Variants in GPC6 observed in about 807,000 individuals in gnomAD.
The protein encoded by GPC6 is glypican 6, also known as glypican-6.
A neutral mutation model predicts 55.2 loss-of-function variants in GPC6; 14 were observed. The observed-to-expected ratio is 0.25, with a 90% CI of 0.17 to 0.40. The LOEUF (loss-of-function observed/expected upper bound fraction) is 0.40, where lower values mean the gene tolerates loss of function less well. Ranked by LOEUF, GPC6 falls within the 10% of genes least tolerant of loss-of-function variation. GPC6 has a pLI of 1.00. For synonymous variants in GPC6, 278 were observed against 259.6 expected (o/e 1.07, Z -0.68); for missense variants, 641 against 708.5 (o/e 0.90, Z 1.08).
At chr13:93,456,965 T>G (rs1441836307) in intron 1 of GPC6, among the ~76,000 whole-genome samples, 4 of 152,136 alleles carry the variant, frequency 2.6e-5, no homozygotes, top group Admixed American at 2.6e-4. Context: ...TCCCCCATCC[T>G]GTTCTCATGA....
Position 94,337,293 on chromosome 13 carries a change from G to A in GPC6, c.1152+31170G>A, listed in dbSNP as rs17253836. On this transcript the variant is annotated intron_variant, in intron 6 of 8. Coordinates refer to ENST00000377047, the MANE Select transcript of GPC6 (RefSeq NM_005708.5). ...TCATCTGTAGGATGCAGTAAATAGC[G>A]CCTGATGAGGAAAGGGCCATCGTCA... 5.3e-3 allele frequency among the ~76,000 whole-genome samples: 807 copies of A among 152,176 alleles called. 20 individuals carry two copies. In the East Asian group the frequency reaches 0.089, roughly 17 times the overall value.
At chr13:94,186,726 T>C (rs1889202245) in intron 4 of GPC6, among the ~76,000 whole-genome samples, 1 of 152,226 alleles carries the variant, frequency 6.6e-6, no homozygotes, top group African/African-American at 2.4e-5. Flanking sequence ...TCTATCTTGA[T>C]TAAAACATAA....
chr13:94,142,797 T>C (rs778993145), intron 4 of GPC6, among the ~76,000 whole-genome samples: 1 of 151,752 alleles, frequency 6.6e-6, no homozygotes, highest in Non-Finnish European at 1.5e-5. Context: ...AGGAGAGAGA[T>C]AGAGAGGAAC....
At chr13:94,266,341 T>TG (rs1231120680) in intron 4 of GPC6, among the ~76,000 whole-genome samples, 1 of 152,118 alleles carries the variant, frequency 6.6e-6, no homozygotes, top group Non-Finnish European at 1.5e-5. Context: ...GCTAATTTTT[T>TG]GTATTTTTAG....
At chr13:93,912,713 A>C (rs888067126) in intron 3 of GPC6, among the ~76,000 whole-genome samples, 40 of 152,336 alleles carry the variant, frequency 2.6e-4, no homozygotes, top group Admixed American at 7.2e-4. Flanking sequence ...ACTGCACTCC[A>C]GCCTGGGCGA....
intron 2 of GPC6, among the ~76,000 whole-genome samples, chr13:93,560,873 T>G (rs1875748204): frequency 6.6e-6 from 1 of 152,156 alleles, no homozygotes; most frequent in South Asian, 2.1e-4. Flanking sequence ...ATCAGCTGTT[T>G]GTCTTCTTGC....
At chr13:93,995,523 T>C (rs569001189) in intron 3 of GPC6, among the ~76,000 whole-genome samples, 2 of 152,260 alleles carry the variant, frequency 1.3e-5, no homozygotes, top group South Asian at 4.1e-4. Context: ...TTCCATCAAG[T>C]TCTGTTGCCT....
At chr13:93,997,692 T>G (rs980913509) in intron 3 of GPC6, among the ~76,000 whole-genome samples, 1 of 152,160 alleles carries the variant, frequency 6.6e-6, no homozygotes, top group Non-Finnish European at 1.5e-5. Context: ...ATCTTTGCTT[T>G]TTAGCAATAT....
In GPC6 at chr13:94,227,169, C is replaced by T. The variant is rs143220560; in HGVS notation, c.878-59180C>T. Among the ~76,000 whole-genome samples, 988 of 152,182 alleles carry T rather than the reference C, an allele frequency of 6.5e-3. 16 individuals are homozygous for T. Among genetic ancestry groups the T allele is most frequent in the African/African-American group, 0.022 (898 of 41,524 alleles). ...TCATGTGATACTCACATCTGCATTG[C>T]CAGTTAAATATAATTATAATTATAA... On this transcript the variant is annotated intron_variant, in intron 4 of 8. Transcript: ENST00000377047.
chr13:94,041,570 C>A (rs999673238), intron 4 of GPC6, among the ~76,000 whole-genome samples: 7 of 151,794 alleles, frequency 4.6e-5, no homozygotes, highest in Non-Finnish European at 8.8e-5. Context: ...TAAAGCATTT[C>A]TCTGTTTAAT....
rs1474810565 is a variant in GPC6, at chr13:94,008,145, C to A, written c.712-19584C>A. Among the ~76,000 whole-genome samples the A allele has an allele frequency of 2.6e-5, 4 of 152,132 alleles. 1 individual carries two copies. The highest frequency in any genetic ancestry group is 4.8e-5 in the African/African-American group (2 of 41,426). On this transcript the variant is annotated intron_variant, in intron 3 of 8. Transcript: ENST00000377047. ...TCAAATGCAGCACATTTTCACATCT[C>A]TCACACATACTCACATGGTCACAAT...
At chr13:94,238,647 T>C (rs1409351335) in intron 4 of GPC6, among the ~76,000 whole-genome samples, 1 of 152,172 alleles carries the variant, frequency 6.6e-6, no homozygotes, top group East Asian at 1.9e-4. Context: ...TGCTGAATTT[T>C]GAAGCCAGAT....
At chr13:93,671,609 A>AG (rs1319250592) in intron 2 of GPC6, among the ~76,000 whole-genome samples, 1 of 134,988 alleles carries the variant, frequency 7.4e-6, no homozygotes, top group African/African-American at 2.5e-5. Context: ...AGGGTTTTTT[A>AG]GGGGTTTTTT....
chr13:93,657,397 T>C (rs1880721958), intron 2 of GPC6, among the ~76,000 whole-genome samples: 1 of 152,114 alleles, frequency 6.6e-6, no homozygotes, highest in African/African-American at 2.4e-5. Context: ...CAGCTAGCCA[T>C]ATGCAGAAGA....
chr13:94,376,255 A>G (rs1161650623), intron 6 of GPC6, among the ~76,000 whole-genome samples: 1 of 109,754 alleles, frequency 9.1e-6, no homozygotes, highest in Non-Finnish European at 1.8e-5. Flanking sequence ...GAGGAAGTCA[A>G]ATTGTCCCTG....
At chr13:93,952,383 T>C (rs1038751741) in intron 3 of GPC6, among the ~76,000 whole-genome samples, 1 of 152,070 alleles carries the variant, frequency 6.6e-6, no homozygotes, top group East Asian at 1.9e-4. Context: ...TAAATTAAAA[T>C]CCTGAGTTGA....
intron 4 of GPC6, among the ~76,000 whole-genome samples, chr13:94,162,711 T>C (rs1888210181): frequency 6.6e-6 from 1 of 152,162 alleles, no homozygotes; most frequent in African/African-American, 2.4e-5. Flanking sequence ...GGGTCAAATT[T>C]TTTTCTCCTA....
rs747181783 is a variant in GPC6, at chr13:93,227,519, C to A, written c.63C>A (p.Ala21=). The A allele has an allele frequency of 4.3e-6, 7 of 1,613,830 alleles. No individual in the cohort carries two copies. The East Asian group carries it at 1.3e-4, about 31-fold the overall frequency. Residue 21 remains alanine (A), a synonymous_variant, in exon 1 of 9, where the codon GCC becomes GCA. Coordinates refer to ENST00000377047, the MANE Select transcript of GPC6 (RefSeq NM_005708.5). This position sits in a 1 kb window ranked among gnomAD's most constrained non-coding sequence, Gnocchi z 4.3. ...TGGGGCTGCTGCTCTCCCTCCCCGC[C>A]GGGGCGGATGTGAAGGCTCGGAGCT... The part of the protein sequence containing the change: ...PLLGLLLSLP[A]GADVKARSCG...
intron 1 of GPC6, among the ~76,000 whole-genome samples, chr13:93,242,767 G>A (rs1473787796): frequency 6.6e-6 from 1 of 152,082 alleles, no homozygotes; most frequent in Non-Finnish European, 1.5e-5. Context: ...CCCACAGAGT[G>A]CTCCCTTGGT....
Sources: allele counts gnomAD v4.1 joint callset (sites outside exome capture counted in the v4.1 genomes callset), GRCh38; gene constraint gnomAD v4.1.1; non-coding constraint Gnocchi (gnomAD v3.1); transcripts MANE v1.5; gene names NCBI Gene and HGNC (gene_info 2026-07-23, HGNC 2026-07-21).